CHIC1: variants seen among roughly 807,000 people sequenced by gnomAD.
CHIC1 encodes the protein cysteine-rich hydrophobic domain-containing protein 1.
In CHIC1, 7 loss-of-function variants were observed where a neutral mutation model predicts 18.5. That is an observed-to-expected ratio of 0.38 (90% CI 0.22 to 0.71). CHIC1 has a LOEUF of 0.71. Ranked by LOEUF, CHIC1 falls within the 30% of genes least tolerant of loss-of-function variation. The pLI, the probability that CHIC1 is intolerant of heterozygous loss-of-function variation, is 0.49. For synonymous variants in CHIC1, 77 were observed against 73.5 expected (o/e 1.05, Z -0.25); for missense variants, 159 against 176.9 (o/e 0.90, Z 0.57).
chrX:73,563,227 C>T lies in CHIC1; in HGVS notation c.-58C>T. On this transcript the variant is annotated 5_prime_UTR_variant, in exon 1 of 6. Coordinates refer to ENST00000373502, the MANE Select transcript of CHIC1 (RefSeq NM_001039840.4). ...CATTTCGTTCCCCCTCCTCTTGCAGCACCTCGGCAGGTTCAAACTCTTCTC... is the reference window on the plus strand; with the variant it reads ...CATTTCGTTCCCCCTCCTCTTGCAGTACCTCGGCAGGTTCAAACTCTTCTC... 1 of 1,049,761 alleles carries T rather than the reference C, an allele frequency of 9.5e-7. No individual in the cohort carries two copies. The highest frequency in any genetic ancestry group is 3.7e-5 in the East Asian group (1 of 27,122). 86.5% of individuals were successfully genotyped at this position (1,049,761 alleles called of 1,213,427 possible). A position where few individuals can be genotyped will look rare whatever the true frequency, so the allele number is the denominator to read the frequency against.
chrX:73,644,123 A>G (rs754423081), intron 3 of CHIC1, among the ~76,000 whole-genome samples: 2 of 112,478 alleles, frequency 1.8e-5, no homozygotes, highest in South Asian at 3.7e-4. Context: ...GGAGTTTGCT[A>G]GAGTTCCACT....
At chrX:73,655,637 G>GTT (rs2057944784) in intron 3 of CHIC1, among the ~76,000 whole-genome samples, 1 of 8,630 alleles carries the variant, frequency 1.2e-4, no homozygotes, top group African/African-American at 1.7e-4. Context: ...TATATAGTGT[G>GTT]TGTGTGTGTG....
chrX:73,590,903 A>T (rs2057578448), intron 3 of CHIC1, among the ~76,000 whole-genome samples: 1 of 111,562 alleles, frequency 9.0e-6, no homozygotes, highest in Non-Finnish European at 1.9e-5. Flanking sequence ...CATAAATAAG[A>T]CTGTTATAAA....
intron 3 of CHIC1, among the ~76,000 whole-genome samples, chrX:73,589,187 A>G (rs1236872039): frequency 9.1e-6 from 1 of 110,463 alleles, no homozygotes; most frequent in Admixed American, 9.7e-5. Flanking sequence ...TTTCTTTGAA[A>G]CATTGCTTAC....
At chrX:73,670,477 AT>A (rs201088168) in intron 3 of CHIC1, among the ~76,000 whole-genome samples, 2,387 of 108,487 alleles carry the variant, frequency 0.022, 42 homozygotes, top group Admixed American at 0.068. Context: ...TTTAGTCTCT[AT>A]TTTTTTCTGC....
chrX:73,602,013 C>T (rs868617978), intron 3 of CHIC1, among the ~76,000 whole-genome samples: 11 of 103,970 alleles, frequency 1.1e-4, no homozygotes, highest in Admixed American at 1.0e-4. Context: ...CAAGACTAAA[C>T]CAGGAAGAAG....
rs767495435 is a variant in CHIC1 at position 73,684,406 on chromosome X, G to A, written c.*3401G>A. ...TGAAATTTGAATAAAGTTTAAAAAC[G>A]TGTAAGCCTTTGAACAAATGTATGA... On this transcript the variant is annotated 3_prime_UTR_variant, in exon 6 of 6. Coordinates refer to ENST00000373502, the MANE Select transcript of CHIC1 (RefSeq NM_001039840.4). The A allele has an allele frequency of 9.0e-6, 1 of 111,287 alleles. No homozygotes were observed. The highest frequency in any genetic ancestry group is 3.7e-4 in the South Asian group (1 of 2,692). 9.2% of individuals were successfully genotyped at this position (111,287 alleles called of 1,213,427 possible). A position where few individuals can be genotyped will look rare whatever the true frequency, so the allele number is the denominator to read the frequency against.
intron 3 of CHIC1, among the ~76,000 whole-genome samples, chrX:73,631,388 A>G (rs1275083170): frequency 1.8e-5 from 2 of 110,439 alleles, no homozygotes; most frequent in Admixed American, 9.7e-5. Flanking sequence ...ACACTTTGGG[A>G]GGCTTAGGCG....
chrX:73,618,482 G>A (rs1217334243), intron 3 of CHIC1, among the ~76,000 whole-genome samples: 1 of 111,327 alleles, frequency 9.0e-6, no homozygotes, highest in Non-Finnish European at 1.9e-5. Context: ...GTGGTTCTCA[G>A]GCCAGTGGAG....
At chrX:73,670,559 A>G (rs1270515326) in intron 3 of CHIC1, among the ~76,000 whole-genome samples, 1 of 109,058 alleles carries the variant, frequency 9.2e-6, no homozygotes, top group Admixed American at 9.7e-5. Context: ...TTGCTTTTCT[A>G]GTTCCTTGAG....
At position 73,604,521 on chromosome X, in the gene CHIC1, C is replaced by T. The variant is rs187955385; in HGVS notation, c.507+19949C>T. Among the ~76,000 whole-genome samples, 795 of 106,285 alleles carry T rather than the reference C, an allele frequency of 7.5e-3. 7 individuals are homozygous for T. The highest frequency in any genetic ancestry group is 0.013 in the Non-Finnish European group (674 of 53,011). The allele number at this position is 106,285 out of a possible 115,157, so 92.3% of individuals were successfully genotyped here. ...CTCTATCTCCCAGTTCTGCTCTGAT[C>T]TTAATTATTTCTTGCCTTCTGCTAG... is the stretch of plus-strand genomic sequence containing the variant. On this transcript the variant is annotated intron_variant, in intron 3 of 5. Transcript: ENST00000373502.
At chrX:73,602,837 T>A (rs1374729718) in intron 3 of CHIC1, among the ~76,000 whole-genome samples, 2 of 108,688 alleles carry the variant, frequency 1.8e-5, no homozygotes, top group Non-Finnish European at 3.8e-5. Flanking sequence ...ATGTGTGGTG[T>A]TTATTTATAA....
chrX:73,646,864 A>G (rs942224679), intron 3 of CHIC1, among the ~76,000 whole-genome samples: 1 of 110,003 alleles, frequency 9.1e-6, no homozygotes, highest in Admixed American at 9.5e-5. Context: ...TATCCATAAA[A>G]TCTTTGACCC....
At chrX:73,618,710 C>T (rs1000627585) in intron 3 of CHIC1, among the ~76,000 whole-genome samples, 2 of 112,144 alleles carry the variant, frequency 1.8e-5, no homozygotes, top group South Asian at 3.7e-4. Flanking sequence ...CTCCTGGCTG[C>T]GAAAGCAAGC....
intron 3 of CHIC1, among the ~76,000 whole-genome samples, chrX:73,619,610 T>C (rs1462277153): frequency 9.0e-6 from 1 of 111,613 alleles, no homozygotes; most frequent in African/African-American, 3.3e-5. Context: ...CATAATATAT[T>C]ATTTTAAACT....
intron 1 of CHIC1, among the ~76,000 whole-genome samples, chrX:73,566,256 T>TAG (rs2057444319): frequency 9.1e-6 from 1 of 109,912 alleles, no homozygotes; most frequent in African/African-American, 3.3e-5. Flanking sequence ...CTCTCCCTAC[T>TAG]CCAGTCCATC....
chrX:73,600,960 A>G (rs2057644381), intron 3 of CHIC1, among the ~76,000 whole-genome samples: 1 of 108,165 alleles, frequency 9.2e-6, no homozygotes, highest in Non-Finnish European at 1.9e-5. Flanking sequence ...AAAGAGACAA[A>G]GAAGGCCATT....
intron 1 of CHIC1, among the ~76,000 whole-genome samples, chrX:73,563,936 T>C (rs934289805): frequency 9.0e-6 from 1 of 111,681 alleles, no homozygotes; most frequent in African/African-American, 3.3e-5. Flanking sequence ...GCTGACAAGA[T>C]TGATACTTTG....
rs185183859 is a variant in CHIC1 at position 73,678,027 on chromosome X, C to T, written c.508-1299C>T. Among the ~76,000 whole-genome samples the T allele has an allele frequency of 8.5e-5, 9 of 105,800 alleles. No individual in the cohort carries two copies. The East Asian group carries it at 2.7e-3, about 31-fold the overall frequency. The allele number at this position is 105,800 out of a possible 115,157, so 91.9% of individuals were successfully genotyped here. A position where few individuals can be genotyped will look rare whatever the true frequency, so the allele number is the denominator to read the frequency against. On this transcript the variant is annotated intron_variant, in intron 3 of 5. Coordinates refer to ENST00000373502, the MANE Select transcript of CHIC1 (RefSeq NM_001039840.4). ...TTTTTTGTCCTTACATTGATATCCA[C>T]ATCTGCTATAATTGCCACTTCATTC...
Sources: allele counts gnomAD v4.1 joint callset (sites outside exome capture counted in the v4.1 genomes callset), GRCh38; gene constraint gnomAD v4.1.1; transcripts MANE v1.5; gene names NCBI Gene and HGNC (gene_info 2026-07-23, HGNC 2026-07-21).